The following GRIP1 variants were observed in gnomAD, a reference collection of about 807,000 sequenced individuals.
The protein encoded by GRIP1 is glutamate receptor interacting protein 1.
In GRIP1, 45 loss-of-function variants were observed where a neutral mutation model predicts 129.9. The observed-to-expected ratio is 0.35, with a 90% confidence interval of 0.27 to 0.44. The LOEUF (loss-of-function observed/expected upper bound fraction) is 0.44, where lower values mean the gene tolerates loss of function less well. GRIP1 is among the 20% of genes least tolerant of loss of function. The probability of loss-of-function intolerance (pLI) is 1.00; values close to 1 mark genes in which losing one functional copy is unlikely to be tolerated. For synonymous variants in GRIP1, 530 were observed against 520.8 expected, an observed-to-expected ratio of 1.02 and a Z score of -0.24; for missense variants, 1,196 against 1,396.8, an observed-to-expected ratio of 0.86 and a Z score of 2.29.
chr12:66,479,210 G>A (rs1412399622), intron 7 of GRIP1, among the ~76,000 whole-genome samples: 1 of 151,528 alleles, frequency 6.6e-6, no homozygotes, highest in African/African-American at 2.4e-5. Flanking sequence ...GAATCAAATA[G>A]ACACAATAAA....
chr12:66,932,355 T>C (rs902438304), intron 1 of GRIP1, among the ~76,000 whole-genome samples: 2 of 152,192 alleles, frequency 1.3e-5, no homozygotes, highest in African/African-American at 2.4e-5. Flanking sequence ...CATTAGTCAT[T>C]TGAGAAAGTT....
Position 66,817,008 on chromosome 12 carries a change from T to C in GRIP1, c.59-220081A>G, listed in dbSNP as rs2039231448. ...AGTATTCGCAAAAGACGATTCCTCA[T>C]GAACATCCTTTCCTCAGAAAACAAA... On this transcript the variant is annotated intron_variant, in intron 1 of 1. Transcript: ENST00000643019. 2.0e-5 allele frequency among the ~76,000 whole-genome samples: 3 copies of C among 152,222 alleles called. No individual in the cohort carries two copies. The South Asian group carries it at 6.2e-4, about 32-fold the overall frequency.
chr12:66,845,971 AT>A (rs1214493301), intron 1 of GRIP1, among the ~76,000 whole-genome samples: 2 of 152,156 alleles, frequency 1.3e-5, no homozygotes, highest in African/African-American at 4.8e-5. Flanking sequence ...TTAAACTGGA[AT>A]ATTCATCATT....
At chr12:66,585,107 T>TC (rs1592601205) in intron 2 of GRIP1, among the ~76,000 whole-genome samples, 3 of 68,562 alleles carry the variant, frequency 4.4e-5, no homozygotes, top group Non-Finnish European at 8.0e-5. Flanking sequence ...TTTTCCTTCT[T>TC]TTTTTTTATT....
chr12:66,704,765 T>C (rs1320769173), intron 1 of GRIP1, among the ~76,000 whole-genome samples: 1 of 152,142 alleles, frequency 6.6e-6, no homozygotes, highest in Non-Finnish European at 1.5e-5. Context: ...GATTTTTCTA[T>C]ATCATTTTTC....
intron 1 of GRIP1, among the ~76,000 whole-genome samples, chr12:66,793,040 T>G (rs766202044): frequency 3.7e-4 from 57 of 152,168 alleles, no homozygotes; most frequent in Non-Finnish European, 6.0e-4. Flanking sequence ...CAATAGAAAA[T>G]ATAAATAAAT....
chr12:66,599,304 C>A (rs559394386), intron 1 of GRIP1, among the ~76,000 whole-genome samples: 1 of 152,300 alleles, frequency 6.6e-6, no homozygotes, highest in East Asian at 1.9e-4. Flanking sequence ...ATTGCTTTCA[C>A]CCTCACTGCC....
chr12:66,673,834 C>A (rs559664527), intron 1 of GRIP1, among the ~76,000 whole-genome samples: 4 of 152,274 alleles, frequency 2.6e-5, no homozygotes, highest in African/African-American at 4.8e-5. Flanking sequence ...GAGAAATATG[C>A]CCCATGCCCT....
At chr12:66,467,015 C>T (rs529728567) in intron 7 of GRIP1, among the ~76,000 whole-genome samples, 65 of 152,280 alleles carry the variant, frequency 4.3e-4, no homozygotes, top group African/African-American at 1.5e-3. Context: ...GTAAAGATGA[C>T]AATATCCAGG....
chr12:66,406,212 C>A, intron 16 of GRIP1, 71 bp downstream of exon 16: 1 of 1,452,186 alleles, frequency 6.9e-7, no homozygotes, highest in Non-Finnish European at 9.7e-7. Context: ...TGTAAAACAT[C>A]AAGATCTAAT....
intron 1 of GRIP1, among the ~76,000 whole-genome samples, chr12:66,991,667 A>C (rs2135643146): frequency 6.6e-6 from 1 of 152,348 alleles, no homozygotes; most frequent in East Asian, 1.9e-4. Flanking sequence ...AAGCCAAATG[A>C]TTTATTAATA....
chr12:66,414,113 GA>G (rs2057498834), intron 15 of GRIP1, among the ~76,000 whole-genome samples: 2 of 151,770 alleles, frequency 1.3e-5, no homozygotes, highest in South Asian at 2.1e-4. Flanking sequence ...TCAGGCAAGA[GA>G]AAAAAATAAA....
chr12:66,428,523 T>C (rs1174654761), intron 14 of GRIP1, among the ~76,000 whole-genome samples: 1 of 152,152 alleles, frequency 6.6e-6, no homozygotes, highest in Non-Finnish European at 1.5e-5. Context: ...CTTTTGCTTT[T>C]CTGATATAGG....
chr12:66,727,662 A>G (rs1262921898), intron 1 of GRIP1, among the ~76,000 whole-genome samples: 1 of 152,184 alleles, frequency 6.6e-6, no homozygotes, highest in African/African-American at 2.4e-5. Context: ...GAATATTTTT[A>G]TTTTACTTTT....
chr12:66,842,284 T>C (rs1482543743), intron 1 of GRIP1, among the ~76,000 whole-genome samples: 4 of 152,038 alleles, frequency 2.6e-5, no homozygotes, highest in Non-Finnish European at 5.9e-5. Context: ...TTATATCCTA[T>C]ATAAAATTTT....
chr12:67,068,474 T>C (rs1418461786), intron 1 of GRIP1, among the ~76,000 whole-genome samples: 2 of 151,544 alleles, frequency 1.3e-5, no homozygotes, highest in Non-Finnish European at 2.9e-5. Flanking sequence ...ATCTTTCCCC[T>C]CCTCTCCCCT....
intron 1 of GRIP1, among the ~76,000 whole-genome samples, chr12:66,638,502 C>T (rs1202656953): frequency 6.6e-6 from 1 of 152,178 alleles, no homozygotes; most frequent in Non-Finnish European, 1.5e-5. Context: ...CTGTTTCTTA[C>T]TGCCCCACAA....
In GRIP1 at chr12:66,859,414, CAT is replaced by C. The variant is rs374120079; in HGVS notation, c.58+209634_58+209635del. ...GCAAGTTTCATTTTTGCCAACTGCA[CAT>C]GATTCTGCTTCTAAACCATTATTCA... On this transcript the variant is annotated intron_variant, in intron 1 of 1. Coordinates refer to the GRIP1 transcript ENST00000643019. Among the ~76,000 whole-genome samples, 14 of 151,968 alleles carry C rather than the reference CAT, an allele frequency of 9.2e-5. 1 individual carries two copies. The highest frequency in any genetic ancestry group is 2.9e-4 in the African/African-American group (12 of 41,500).
intron 1 of GRIP1, among the ~76,000 whole-genome samples, chr12:66,615,763 G>A (rs1191267361): frequency 2.0e-5 from 3 of 152,134 alleles, no homozygotes; most frequent in African/African-American, 4.8e-5. Flanking sequence ...TCCTGCCTCA[G>A]CCTCCCGAGT....
Sources: allele counts gnomAD v4.1 joint callset (sites outside exome capture counted in the v4.1 genomes callset), GRCh38; gene constraint gnomAD v4.1.1; transcripts MANE v1.5; gene names NCBI Gene and HGNC (gene_info 2026-07-23, HGNC 2026-07-21).